Variants in KCNIP4 observed in about 807,000 individuals in gnomAD.
KCNIP4 encodes Kv channel-interacting protein 4.
A neutral mutation model predicts 34.0 loss-of-function variants in KCNIP4; 12 were observed. That is an observed-to-expected ratio of 0.35 (90% CI 0.23 to 0.57). The LOEUF (loss-of-function observed/expected upper bound fraction) is 0.57. Ranked by LOEUF, KCNIP4 falls within the 20% of genes least tolerant of loss-of-function variation. The pLI is 0.83. For synonymous variants in KCNIP4, 124 were observed against 102.2 expected (o/e 1.21, Z -1.29); for missense variants, 238 against 311.7 (o/e 0.76, Z 1.78).
chr4:21,018,908 A>G (rs1739791609), intron 1 of KCNIP4, among the ~76,000 whole-genome samples: 1 of 152,142 alleles, frequency 6.6e-6, no homozygotes, highest in Non-Finnish European at 1.5e-5. Flanking sequence ...GTTGAGTTAA[A>G]TTTCTGAATT....
chr4:21,932,250 T>C (rs1729613534), intron 1 of KCNIP4, among the ~76,000 whole-genome samples: 1 of 151,902 alleles, frequency 6.6e-6, no homozygotes, highest in Non-Finnish European at 1.5e-5. Context: ...GTGTCGTGAG[T>C]GAAACAGTGA....
chr4:20,931,770 A>G (rs1363575310), intron 1 of KCNIP4, among the ~76,000 whole-genome samples: 1 of 152,082 alleles, frequency 6.6e-6, no homozygotes, highest in Non-Finnish European at 1.5e-5. Context: ...AGTGGTTCCC[A>G]GGGATGGTGG....
chr4:20,947,615 C>T (rs536056854), intron 1 of KCNIP4, among the ~76,000 whole-genome samples: 28 of 152,188 alleles, frequency 1.8e-4, no homozygotes, highest in African/African-American at 1.7e-4. Context: ...TGATTATTGC[C>T]GCTGATTAAA....
chr4:21,305,797 T>C (rs1474411132), intron 1 of KCNIP4, among the ~76,000 whole-genome samples: 1 of 152,196 alleles, frequency 6.6e-6, no homozygotes, highest in African/African-American at 2.4e-5. Flanking sequence ...AAAAACCTTC[T>C]TACACCATCT....
intron 1 of KCNIP4, among the ~76,000 whole-genome samples, chr4:21,186,197 T>G (rs1015951565): frequency 1.3e-5 from 2 of 152,158 alleles, no homozygotes; most frequent in Non-Finnish European, 2.9e-5. Flanking sequence ...TTTAAGAACT[T>G]TCTGCTCAGA....
chr4:21,266,623 C>A (rs1176484582), intron 1 of KCNIP4, among the ~76,000 whole-genome samples: 3 of 152,150 alleles, frequency 2.0e-5, no homozygotes, highest in Non-Finnish European at 4.4e-5. Flanking sequence ...GGCTAAAGTG[C>A]ATGTGGGGTG....
intron 1 of KCNIP4, among the ~76,000 whole-genome samples, chr4:21,105,515 T>G (rs1748435515): frequency 6.6e-6 from 1 of 151,740 alleles, no homozygotes; most frequent in African/African-American, 2.4e-5. Context: ...TGGGGTTTTC[T>G]AGATATACAA....
At chr4:20,905,508 TC>T (rs200441048) in intron 1 of KCNIP4, among the ~76,000 whole-genome samples, 19 of 81,988 alleles carry the variant, frequency 2.3e-4, no homozygotes, top group African/African-American at 7.3e-4. Flanking sequence ...ACGTTTTCTT[TC>T]TTTTTTTTTT....
At chr4:21,886,818 C>CTTT (rs1553942799) in intron 1 of KCNIP4, among the ~76,000 whole-genome samples, 3 of 152,014 alleles carry the variant, frequency 2.0e-5, no homozygotes, top group Non-Finnish European at 2.9e-5. Context: ...ATTACAAAAG[C>CTTT]TCTTCTTTTT....
At chr4:21,046,555 G>T (rs529532737) in intron 1 of KCNIP4, among the ~76,000 whole-genome samples, 28 of 143,036 alleles carry the variant, frequency 2.0e-4, no homozygotes, top group Non-Finnish European at 3.6e-4. Flanking sequence ...AAGAGAAACT[G>T]TTGAGGGACA....
chr4:21,775,178 T>G (rs1246409467), intron 1 of KCNIP4, among the ~76,000 whole-genome samples: 2 of 152,162 alleles, frequency 1.3e-5, no homozygotes, highest in African/African-American at 4.8e-5. Flanking sequence ...CTGTTGCCAC[T>G]TTCTGCTTTT....
At chr4:20,971,556 T>C (rs1734954440) in intron 1 of KCNIP4, among the ~76,000 whole-genome samples, 1 of 152,178 alleles carries the variant, frequency 6.6e-6, no homozygotes, top group Non-Finnish European at 1.5e-5. Flanking sequence ...GCATTATGTC[T>C]AAAAAACAAT....
intron 1 of KCNIP4, among the ~76,000 whole-genome samples, chr4:21,292,623 T>A (rs1763597759): frequency 6.6e-6 from 1 of 152,164 alleles, no homozygotes; most frequent in Non-Finnish European, 1.5e-5. Context: ...CAGGCTCTGA[T>A]AAGACTATAT....
At chr4:21,914,639 A>G (rs1270622585) in intron 1 of KCNIP4, among the ~76,000 whole-genome samples, 5 of 152,120 alleles carry the variant, frequency 3.3e-5, no homozygotes, top group African/African-American at 4.8e-5. Context: ...TCCTAGGCCG[A>G]TCTTGATTAC....
intron 1 of KCNIP4, among the ~76,000 whole-genome samples, chr4:21,888,194 A>G (rs1726895720): frequency 6.6e-6 from 1 of 152,152 alleles, no homozygotes. Context: ...TCTTAAACTC[A>G]CTAAACTAAA....
intron 2 of KCNIP4, among the ~76,000 whole-genome samples, chr4:20,873,642 T>G (rs914495895): frequency 3.3e-5 from 5 of 152,172 alleles, no homozygotes; most frequent in African/African-American, 1.2e-4. Flanking sequence ...CAAGTTCACA[T>G]CATCCCTTCT....
At position 21,219,592 on chromosome 4, in the gene KCNIP4, T is replaced by C. The variant is rs574007956; in HGVS notation, c.62-336883A>G. Reference sequence around the variant, plus strand: ...CCTTGCCAATTATACATTCTCAAATTAACCTACATTCATTTGCAACTGGTT... The same window carrying C: ...CCTTGCCAATTATACATTCTCAAATCAACCTACATTCATTTGCAACTGGTT... On this transcript the variant is annotated intron_variant, in intron 1 of 8. Transcript: ENST00000382152. Among the ~76,000 whole-genome samples the C allele has an allele frequency of 4.6e-4, 70 of 152,292 alleles. 1 individual carries two copies. In the South Asian group the frequency reaches 9.5e-3, roughly 21 times the overall value.
chr4:20,996,083 T>C (rs1341986515), intron 1 of KCNIP4, among the ~76,000 whole-genome samples: 3 of 152,330 alleles, frequency 2.0e-5, no homozygotes, highest in African/African-American at 7.2e-5. Context: ...ACAACACTTA[T>C]GTCTGCTATA....
At chr4:21,243,549 T>A (rs545348356) in intron 1 of KCNIP4, among the ~76,000 whole-genome samples, 11 of 152,292 alleles carry the variant, frequency 7.2e-5, no homozygotes, top group Middle Eastern at 3.4e-3. Context: ...GAATGGGGCA[T>A]GGAGGTTGAC....
Sources: gnomAD v4.1 joint callset for allele counts (sites outside exome capture counted in the v4.1 genomes callset) on GRCh38, gnomAD v4.1.1 for gene constraint, MANE v1.5 for transcripts, NCBI Gene and HGNC (gene_info 2026-07-23, HGNC 2026-07-21) for gene names.